Variants in RHOBTB2 observed in about 807,000 individuals in gnomAD.
The protein encoded by RHOBTB2 is rho-related BTB domain-containing protein 2.
A neutral mutation model predicts 66.5 loss-of-function variants in RHOBTB2; 39 were observed. That is an observed-to-expected ratio of 0.59 (90% confidence interval 0.45 to 0.77). RHOBTB2 has a LOEUF of 0.77. Among genes scored for constraint, RHOBTB2 ranks in the 30% least tolerant of loss-of-function variants. The pLI, the probability that RHOBTB2 is intolerant of heterozygous loss-of-function variation, is 0.00. For missense variants in RHOBTB2, 755 were observed against 999.1 expected, an observed-to-expected ratio of 0.76 and a Z score of 3.29; for synonymous variants, 390 against 395.0, an observed-to-expected ratio of 0.99 and a Z score of 0.15.
At chr8:23,005,894 G>T in intron 3 of RHOBTB2, 66 bp from the exon 4 acceptor site, 1 of 1,493,948 alleles carries the variant, frequency 6.7e-7, no homozygotes, top group South Asian at 1.2e-5. Flanking sequence ...GGGTGGGGCA[G>T]ATGTTCCAGG....
upstream of RHOBTB2, chr8:22,995,743 C>T (rs1810532643): frequency 2.8e-6 from 3 of 1,066,990 alleles, no homozygotes; most frequent in Non-Finnish European, 4.2e-6. Context: ...CTGAACTTTG[C>T]CCCAGCTGCA....
rs1160329360 is a variant in RHOBTB2, at chr8:23,020,089, A to G, written c.*2620A>G. ...TTCCTGTCACTCAGAGCTGATTCAC[A>G]GGAGGAGGGGAGGTTGGGGGGCGGG... On this transcript the variant is annotated 3_prime_UTR_variant, in exon 10 of 10. Transcript: ENST00000251822. 8.2e-6 allele frequency: 3 copies of G among 366,772 alleles called. No individual in the cohort carries two copies. Among genetic ancestry groups the G allele is most frequent in the Non-Finnish European group, 1.6e-5 (3 of 186,774 alleles). The allele number at this position is 366,772 out of a possible 1,614,324, so 22.7% of individuals were successfully genotyped here. A position where few individuals can be genotyped will look rare whatever the true frequency, so the allele number is the denominator to read the frequency against.
chr8:22,980,881 T>C, the RHOBTB2 span, among the ~76,000 whole-genome samples: 1 of 152,236 alleles, frequency 6.6e-6, no homozygotes, highest in Admixed American at 6.5e-5. Flanking sequence ...CCTCACCCCA[T>C]AGCCGTGACC....
chr8:22,994,868 C>T (rs921510419), upstream of RHOBTB2, among the ~76,000 whole-genome samples: 3 of 152,152 alleles, frequency 2.0e-5, no homozygotes, highest in Non-Finnish European at 2.9e-5. Flanking sequence ...CAGGTTTAAG[C>T]GAGTCTCCTG....
At chr8:22,995,756 G>C, upstream of RHOBTB2, 2 of 1,239,752 alleles carry the variant, frequency 1.6e-6, no homozygotes, top group Non-Finnish European at 2.3e-6. Context: ...CAGCTGCAGG[G>C]TAGGAACACC....
At chr8:23,010,428 G>C in intron 6 of RHOBTB2, 110 bp from the exon 7 acceptor site, 1 of 1,283,030 alleles carries the variant, frequency 7.8e-7, no homozygotes, top group East Asian at 2.3e-5. Flanking sequence ...AAGGCTGCCC[G>C]TCTGGGGGAG....
At chr8:22,997,395 C>T (rs114864200), upstream of RHOBTB2, among the ~76,000 whole-genome samples, 1,169 of 152,276 alleles carry the variant, frequency 7.7e-3, 12 homozygotes, top group African/African-American at 0.027. Context: ...ATTGAGGGAA[C>T]CTCCCCAGCA....
chr8:22,983,034 A>T (rs1402938737), upstream of RHOBTB2, among the ~76,000 whole-genome samples: 1 of 152,176 alleles, frequency 6.6e-6, no homozygotes, highest in Non-Finnish European at 1.5e-5. Context: ...ATACTACCAC[A>T]TTCCAGATTA....
chr8:22,954,883 A>G, the RHOBTB2 span, among the ~76,000 whole-genome samples: 19 of 152,134 alleles, frequency 1.2e-4, no homozygotes, highest in Non-Finnish European at 2.5e-4. Flanking sequence ...TGTAATCCCA[A>G]CACTTTGGGA....
At position 23,005,383 on chromosome 8, in the gene RHOBTB2, C is replaced by T; in HGVS notation, c.204C>T (p.Arg68=). The part of the protein sequence containing the change: ...QYRVCQEVLE[R]SRDVVDDVSV... ...CTCCCCGTCCCCAGGTGCTGGAACG[C>T]TCCCGAGACGTGGTAGATGATGTCA... Residue 68 remains arginine, a synonymous_variant, in exon 3 of 10, where the codon CGC becomes CGT. Coordinates refer to ENST00000251822, the MANE Select transcript of RHOBTB2 (RefSeq NM_015178.3). The T allele has an allele frequency of 1.2e-6, 2 of 1,613,548 alleles. No individual in the cohort carries two copies. Among genetic ancestry groups the T allele is most frequent in the South Asian group, 2.2e-5 (2 of 91,076 alleles).
At chr8:22,966,570 T>C in the RHOBTB2 span, among the ~76,000 whole-genome samples, 1 of 150,692 alleles carries the variant, frequency 6.6e-6, no homozygotes, top group Non-Finnish European at 1.5e-5. Flanking sequence ...GGACTGAGCC[T>C]AGGAATTCAA....
At chr8:22,974,982 T>C in the RHOBTB2 span, among the ~76,000 whole-genome samples, 2 of 152,200 alleles carry the variant, frequency 1.3e-5, no homozygotes, top group East Asian at 3.8e-4. Flanking sequence ...CTTGAGATTC[T>C]TTCTATCATC....
upstream of RHOBTB2, among the ~76,000 whole-genome samples, chr8:22,982,564 G>A (rs954031604): frequency 6.6e-6 from 1 of 152,210 alleles, no homozygotes; most frequent in African/African-American, 2.4e-5. Flanking sequence ...AGATGTTGCA[G>A]TGAGCTGAGA....
chr8:22,980,125 A>G, the RHOBTB2 span, among the ~76,000 whole-genome samples: 1 of 152,096 alleles, frequency 6.6e-6, no homozygotes, highest in Non-Finnish European at 1.5e-5. Flanking sequence ...GTTTTCCTCT[A>G]TCCTGTTAGG....
chr8:23,011,127 G>A (rs148685661), intron 7 of RHOBTB2, among the ~76,000 whole-genome samples: 67 of 152,272 alleles, frequency 4.4e-4, no homozygotes, highest in Non-Finnish European at 1.3e-4. Flanking sequence ...GGTGGCAGGC[G>A]CCTGTAATCC....
intron 2 of RHOBTB2, among the ~76,000 whole-genome samples, chr8:22,993,840 C>T (rs570392850): frequency 7.2e-5 from 11 of 152,332 alleles, no homozygotes; most frequent in African/African-American, 2.6e-4. Context: ...TCCAATCTCT[C>T]CTGAAATTCT....
chr8:23,004,503 C>T lies in RHOBTB2; in HGVS notation c.69C>T (p.Asn23=), dbSNP rs762585773. 1.5e-5 allele frequency: 25 copies of T among 1,614,092 alleles called. No homozygotes were observed. Among genetic ancestry groups the T allele is most frequent in the East Asian group, 6.7e-5 (3 of 44,900 alleles). The change falls in exon 2 of 10, where the codon AAC becomes AAT. Residue 23 remains asparagine (N), a synonymous_variant. Transcript: ENST00000251822. The surrounding 1 kb of genome is among the most constrained non-coding windows in gnomAD (Gnocchi z 6.4). Reference sequence around the variant, plus strand: ...TCAAGTGCGTTGTGGTGGGGGACAACGCCGTGGGTAAGACCAGGCTCATCT... The same window carrying T: ...TCAAGTGCGTTGTGGTGGGGGACAATGCCGTGGGTAAGACCAGGCTCATCT... ...ETIKCVVVGD[N]AVGKTRLICA... is the part of the protein sequence containing the mutation.
At chr8:22,989,690 C>G (rs962961689) in intron 1 of RHOBTB2, among the ~76,000 whole-genome samples, 3 of 152,204 alleles carry the variant, frequency 2.0e-5, no homozygotes, top group Non-Finnish European at 4.4e-5. Flanking sequence ...GGCATCAGAA[C>G]CACAGCGCTG....
rs761341028 is a variant in RHOBTB2 at position 23,007,578 on chromosome 8, C to G, written c.1333C>G (p.Leu445Val). 8 of 1,614,098 alleles carry G rather than the reference C, an allele frequency of 5.0e-6. No individual in the cohort carries two copies. The highest frequency in any genetic ancestry group is 5.9e-6 in the Non-Finnish European group (7 of 1,180,054). Residue 445 changes from leucine to valine, a missense_variant, in exon 5 of 10, where the codon CTC (leucine) becomes GTC (valine). Physicochemically the swap from Leu to Val is conservative, Grantham distance 32 (BLOSUM62 1). This residue lies in a region of RHOBTB2 where 353 missense variants were observed against 458.2 expected (regional missense o/e 0.77). Transcript: ENST00000251822. ...TGELDENERD[L>V]MHIAHIAELL... is the part of the protein sequence containing the mutation. ...GGAGCTAGATGAGAACGAGCGTGAC[C>G]TCATGCACATTGCCCACATTGCTGA...
Sources: allele counts gnomAD v4.1 joint callset (sites outside exome capture counted in the v4.1 genomes callset), GRCh38; gene constraint gnomAD v4.1.1; regional missense constraint gnomAD v4.1.1; non-coding constraint Gnocchi (gnomAD v3.1); transcripts MANE v1.5; gene names NCBI Gene and HGNC (gene_info 2026-07-23, HGNC 2026-07-21).